Variants in CDH13 observed in about 807,000 individuals in gnomAD.
The protein encoded by CDH13 is cadherin 13.
In CDH13, 24 loss-of-function variants were observed where a neutral mutation model predicts 63.8. The ratio of observed to expected loss-of-function variants is 0.38; its 90% CI spans 0.27 to 0.53. The LOEUF (loss-of-function observed/expected upper bound fraction) is 0.53, where lower values mean the gene tolerates loss of function less well. Among genes scored for constraint, CDH13 ranks in the 20% least tolerant of loss-of-function variants. CDH13 has a pLI of 0.85. For missense variants in CDH13, 1,049 were observed against 903.1 expected (o/e 1.16, Z -2.07); for synonymous variants, 503 against 355.3 (o/e 1.42, Z -4.67).
intron 4 of CDH13, among the ~76,000 whole-genome samples, chr16:83,178,538 T>C (rs1386869661): frequency 6.6e-6 from 1 of 152,220 alleles, no homozygotes; most frequent in Admixed American, 6.5e-5. Flanking sequence ...GATTATCAAT[T>C]TAATATTTGG....
At chr16:83,203,952 A>C (rs2039107745) in intron 4 of CDH13, among the ~76,000 whole-genome samples, 1 of 152,344 alleles carries the variant, frequency 6.6e-6, no homozygotes, top group African/African-American at 2.4e-5. Flanking sequence ...GGGTGTGAGA[A>C]GTTAAAGATG....
chr16:83,435,151 A>G (rs1448265494), intron 6 of CDH13, among the ~76,000 whole-genome samples: 1 of 151,772 alleles, frequency 6.6e-6, no homozygotes, highest in East Asian at 1.9e-4. Flanking sequence ...AGTTCAAGTG[A>G]TTCTCCTGCC....
chr16:83,110,673 C>T (rs2035014444), intron 3 of CDH13, among the ~76,000 whole-genome samples: 2 of 152,102 alleles, frequency 1.3e-5, no homozygotes, highest in Admixed American at 1.3e-4. Flanking sequence ...TATGGTAATA[C>T]AGATAGATAA....
chr16:82,876,141 G>A (rs890910175), intron 2 of CDH13, among the ~76,000 whole-genome samples: 10 of 152,226 alleles, frequency 6.6e-5, no homozygotes, highest in African/African-American at 1.9e-4. Context: ...CCCATGACAT[G>A]TAAATAGTGG....
chr16:83,164,765 A>G (rs1305994402), intron 4 of CDH13, among the ~76,000 whole-genome samples: 2 of 151,880 alleles, frequency 1.3e-5, no homozygotes, highest in East Asian at 1.9e-4. Context: ...GATATTTACA[A>G]TAACAGCTTC....
intron 5 of CDH13, among the ~76,000 whole-genome samples, chr16:83,314,975 G>A (rs1243137436): frequency 6.6e-6 from 1 of 152,110 alleles, no homozygotes; most frequent in Non-Finnish European, 1.5e-5. Context: ...TTGGGAGGTG[G>A]GCAGAACGGA....
Position 83,034,171 on chromosome 16 carries a change from C to T in CDH13, c.366+1953C>T, listed in dbSNP as rs148096816. ...GGCTCATGTGCCACCCTACTGTCAC[C>T]GTGCTCGTGGCAGATATTGCTAATA... On this transcript the variant is annotated intron_variant, in intron 3 of 13. Transcript: ENST00000567109. Among the ~76,000 whole-genome samples, 51 of 152,220 alleles carry T rather than the reference C, an allele frequency of 3.4e-4. 2 individuals carry two copies. Among genetic ancestry groups the T allele is most frequent in the African/African-American group, 9.6e-4 (40 of 41,536 alleles).
chr16:83,216,427 T>TGTATATATATATATAA (rs2039523453), intron 4 of CDH13, among the ~76,000 whole-genome samples: 1 of 45,056 alleles, frequency 2.2e-5, no homozygotes. Context: ...TATATATATA[T>TGTATATATATATATAA]ATATATATAT....
At chr16:82,854,720 C>G (rs772846822) in intron 1 of CDH13, among the ~76,000 whole-genome samples, 2 of 152,192 alleles carry the variant, frequency 1.3e-5, no homozygotes, top group Non-Finnish European at 2.9e-5. Flanking sequence ...CCTTGATGCT[C>G]TAGATGAAGT....
At chr16:83,464,428 C>T (rs888943466) in intron 6 of CDH13, among the ~76,000 whole-genome samples, 4 of 152,194 alleles carry the variant, frequency 2.6e-5, no homozygotes, top group Non-Finnish European at 5.9e-5. Context: ...AGGAGAATCG[C>T]TTGAACCGAG....
At chr16:83,240,853 T>G (rs543951930) in intron 5 of CDH13, among the ~76,000 whole-genome samples, 62 of 151,514 alleles carry the variant, frequency 4.1e-4, no homozygotes, top group Middle Eastern at 3.4e-3. Flanking sequence ...TGGACCTCTG[T>G]GCCTAGCTTC....
In CDH13 at chr16:83,670,889, A is replaced by G; in HGVS notation, c.1201A>G (p.Thr401Ala). 1.9e-6 allele frequency: 3 copies of G among 1,613,758 alleles called. No homozygotes were observed. Among genetic ancestry groups the G allele is most frequent in the South Asian group, 1.1e-5 (1 of 91,038 alleles). Residue 401 changes from threonine to alanine, a missense_variant, in exon 9 of 14, where the codon ACC (threonine) becomes GCC (alanine). Transcript: ENST00000567109. ...PTTGAWRAAY[T>A]IINGNPGQSF... ...CACAGGTGCATGGAGGGCTGCCTAC[A>G]CCATCATCAACGGAAACCCCGGGCA...
chr16:83,608,812 T>A (rs116844947), intron 8 of CDH13, among the ~76,000 whole-genome samples: 2,683 of 152,194 alleles, frequency 0.018, 42 homozygotes, highest in Non-Finnish European at 0.029. Context: ...CCAGCCAGTA[T>A]TCGCATTTTT....
chr16:82,785,218 CTCTTA>C (rs1370492884), intron 1 of CDH13, among the ~76,000 whole-genome samples: 1 of 152,110 alleles, frequency 6.6e-6, no homozygotes, highest in Admixed American at 6.6e-5. Flanking sequence ...ACATGAGACT[CTCTTA>C]TGTCTAAATG....
intron 3 of CDH13, among the ~76,000 whole-genome samples, chr16:83,071,684 A>G (rs1274061565): frequency 6.6e-6 from 1 of 152,224 alleles, no homozygotes; most frequent in Non-Finnish European, 1.5e-5. Context: ...TCATAAACAT[A>G]GAAAAGTAAG....
chr16:83,267,147 T>C (rs1907720379), intron 5 of CDH13, among the ~76,000 whole-genome samples: 1 of 152,204 alleles, frequency 6.6e-6, no homozygotes. Context: ...TAAAACAGAA[T>C]GCCTTCAGAA....
chr16:83,133,680 G>A (rs920080411), intron 4 of CDH13, among the ~76,000 whole-genome samples: 7 of 152,062 alleles, frequency 4.6e-5, no homozygotes, highest in African/African-American at 1.7e-4. Flanking sequence ...TGTATTTTTG[G>A]TAGAGATGGG....
intron 7 of CDH13, among the ~76,000 whole-genome samples, chr16:83,536,199 G>C (rs1385710730): frequency 6.6e-6 from 1 of 152,194 alleles, no homozygotes; most frequent in African/African-American, 2.4e-5. Context: ...GGGGAAAAAT[G>C]AGTAAAAACC....
At chr16:83,245,118 CA>C (rs34319502) in intron 5 of CDH13, among the ~76,000 whole-genome samples, 15,933 of 143,896 alleles carry the variant, frequency 0.11, 879 homozygotes, top group Middle Eastern at 0.16. Context: ...GGATAGTATG[CA>C]AAAAAAAAAA....
Sources: gnomAD v4.1 joint callset for allele counts (sites outside exome capture counted in the v4.1 genomes callset) on GRCh38, gnomAD v4.1.1 for gene constraint, MANE v1.5 for transcripts, NCBI Gene and HGNC (gene_info 2026-07-23, HGNC 2026-07-21) for gene names.